Variants in FBXO38 observed in about 807,000 individuals in gnomAD.
The protein encoded by FBXO38 is F-box protein 38.
In FBXO38, 53 loss-of-function variants were observed where a neutral mutation model predicts 131.9. That is an observed-to-expected ratio of 0.40 (90% CI 0.32 to 0.51). The LOEUF is 0.51. Ranked by LOEUF, FBXO38 falls within the 20% of genes least tolerant of loss-of-function variation. FBXO38 has a pLI of 0.53. For synonymous variants in FBXO38, 452 were observed against 505.6 expected (o/e 0.89, Z 1.42); for missense variants, 1,076 against 1,475.6 (o/e 0.73, Z 4.44).
chr5:148,398,904 G>A lies in FBXO38; in HGVS notation c.129-95G>A, dbSNP rs946846365. Reference sequence around the variant, plus strand: ...TGTCTTAAGATCTTATTTCATTTGAGTGGTAGGAGATTGGAAGAAGGAAAA... The same window carrying A: ...TGTCTTAAGATCTTATTTCATTTGAATGGTAGGAGATTGGAAGAAGGAAAA... On this transcript the variant is annotated intron_variant, in intron 2 of 21. Coordinates refer to ENST00000340253, the MANE Select transcript of FBXO38 (RefSeq NM_205836.3). 5 of 1,325,280 alleles carry A rather than the reference G, an allele frequency of 3.8e-6. No homozygotes were observed. The African/African-American group carries it at 5.8e-5, about 15-fold the overall frequency. 82.1% of individuals were successfully genotyped at this position (1,325,280 alleles called of 1,614,324 possible).
At chr5:148,440,720 T>C (rs185620258) in intron 20 of FBXO38, among the ~76,000 whole-genome samples, 193 bp downstream of exon 20, 3 of 152,174 alleles carry the variant, frequency 2.0e-5, no homozygotes, top group Non-Finnish European at 4.4e-5. Context: ...TCAAACTGGT[T>C]TGGGCTTACA....
chr5:148,440,210 G>GA (rs1754594549), intron 19 of FBXO38: 1 of 500,782 alleles, frequency 2.0e-6, no homozygotes, highest in South Asian at 3.1e-5. Context: ...TTCTTTCCCT[G>GA]ATATGATTTT....
intron 15 of FBXO38, among the ~76,000 whole-genome samples, chr5:148,429,581 A>G (rs1286098723): frequency 1.3e-5 from 2 of 152,132 alleles, no homozygotes; most frequent in Admixed American, 1.3e-4. Flanking sequence ...TATTTTTATC[A>G]AGTTCCAAAA....
At chr5:148,434,816 G>C (rs1024815729) in intron 17 of FBXO38, 1 of 152,138 alleles carries the variant, frequency 6.6e-6, no homozygotes, top group African/African-American at 2.4e-5. Flanking sequence ...CATTGGCCAG[G>C]CACGGTGGCT....
In FBXO38 at chr5:148,404,752, C is replaced by A; in HGVS notation, c.660C>A (p.Leu220=). Residue 220 remains leucine, a synonymous_variant, in exon 6 of 22, where the codon CTC becomes CTA. Coordinates refer to ENST00000340253, the MANE Select transcript of FBXO38 (RefSeq NM_205836.3). ...LRHLYMKWVR[L]TKPQPFKDFL... ...ACCTTTATATGAAGTGGGTAAGACTCACTAAACCACAGCCATTTAAAGACT... is the reference window on the plus strand; with the variant it reads ...ACCTTTATATGAAGTGGGTAAGACTAACTAAACCACAGCCATTTAAAGACT... 2 of 1,607,816 alleles carry A rather than the reference C, an allele frequency of 1.2e-6. No individual in the cohort carries two copies. The highest frequency in any genetic ancestry group is 4.5e-5 in the East Asian group (2 of 44,400).
chr5:148,391,996 T>C (rs766110408), intron 1 of FBXO38, among the ~76,000 whole-genome samples: 1 of 152,238 alleles, frequency 6.6e-6, no homozygotes, highest in Admixed American at 6.5e-5. Flanking sequence ...AATCATACTT[T>C]AGATGTAGTC....
intron 10 of FBXO38, chr5:148,415,503 A>C (rs948040894): frequency 5.6e-6 from 1 of 179,524 alleles, no homozygotes; most frequent in Non-Finnish European, 1.2e-5. Flanking sequence ...CTTACTCTGT[A>C]TACACTGTCC....
intron 20 of FBXO38, 130 bp from the exon 21 acceptor site, chr5:148,440,994 C>A: frequency 1.5e-6 from 1 of 682,462 alleles, no homozygotes; most frequent in Non-Finnish European, 2.6e-6. Flanking sequence ...AGTTTGATAG[C>A]TGGAAATGAT....
chr5:148,429,620 A>C (rs565053968), intron 15 of FBXO38, among the ~76,000 whole-genome samples: 6 of 152,280 alleles, frequency 3.9e-5, no homozygotes, highest in Non-Finnish European at 7.4e-5. Flanking sequence ...TTGAAATTGC[A>C]TTCAATTGAT....
intron 15 of FBXO38, among the ~76,000 whole-genome samples, chr5:148,428,387 A>T (rs1485616903): frequency 1.3e-5 from 2 of 152,218 alleles, no homozygotes; most frequent in Non-Finnish European, 2.9e-5. Context: ...CTGTCTCTGC[A>T]GTACTTAGTA....
intron 5 of FBXO38, among the ~76,000 whole-genome samples, chr5:148,403,655 TAA>T (rs1752287115): frequency 6.6e-6 from 1 of 152,222 alleles, no homozygotes; most frequent in African/African-American, 2.4e-5. Flanking sequence ...TAGTTCAAAC[TAA>T]ATTTAACTCT....
intron 1 of FBXO38, among the ~76,000 whole-genome samples, chr5:148,385,458 G>A (rs958069944): frequency 2.0e-5 from 3 of 152,120 alleles, no homozygotes; most frequent in African/African-American, 4.8e-5. Context: ...AATTAAAAAG[G>A]AGTTGAAGAC....
intron 15 of FBXO38, among the ~76,000 whole-genome samples, chr5:148,432,715 T>G (rs1754106001): frequency 6.6e-6 from 1 of 152,230 alleles, no homozygotes; most frequent in African/African-American, 2.4e-5. Context: ...AAACATTCAT[T>G]TTATCCCTTT....
intron 5 of FBXO38, 68 bp from the exon 6 acceptor site, chr5:148,404,617 T>TA (rs1752336103): frequency 5.8e-6 from 8 of 1,376,286 alleles, no homozygotes; most frequent in Non-Finnish European, 7.7e-6. Flanking sequence ...CTCTTGAACT[T>TA]ATAAGCAAAA....
intron 7 of FBXO38, 44 bp downstream of exon 7, chr5:148,406,438 TTAAAA>T (rs1752448541): frequency 2.1e-6 from 3 of 1,428,394 alleles, no homozygotes; most frequent in Non-Finnish European, 2.8e-6. Context: ...AAAAATCAAC[TTAAAA>T]TAATCATTAA....
At chr5:148,415,056 C>A (rs1752972647) in intron 10 of FBXO38, among the ~76,000 whole-genome samples, 1 of 152,106 alleles carries the variant, frequency 6.6e-6, no homozygotes, top group Non-Finnish European at 1.5e-5. Flanking sequence ...GGCTCTGGGA[C>A]CTCTGCTGAG....
rs1348044081 is a variant in FBXO38 at position 148,427,503 on chromosome 5, TC to T, written c.2211del (p.Glu738SerfsTer68). On this transcript the variant is annotated frameshift_variant, in exon 15 of 22. Coordinates refer to ENST00000340253, the MANE Select transcript of FBXO38 (RefSeq NM_205836.3). LOFTEE classifies it high-confidence loss of function. ...FVRTVNSGGS[S>X]EPSPTEVDVS... ...AAGGACGGTGAACAGCGGCGGCTCT[TC>T]CGAGCCTAGCCCTACAGAAGTGGAT... The T allele has an allele frequency of 6.2e-7, 1 of 1,614,024 alleles. No individual in the cohort carries two copies. Among genetic ancestry groups the T allele is most frequent in the Non-Finnish European group, 8.5e-7 (1 of 1,180,024 alleles).
chr5:148,406,425 T>C, intron 7 of FBXO38, 31 bp downstream of exon 7: 1 of 1,493,536 alleles, frequency 6.7e-7, no homozygotes, highest in South Asian at 1.3e-5. Context: ...CTAAATATTT[T>C]TTAAAAATCA....
chr5:148,437,914 C>T (rs1274859196), intron 17 of FBXO38, among the ~76,000 whole-genome samples: 2 of 151,350 alleles, frequency 1.3e-5, no homozygotes, highest in Non-Finnish European at 2.9e-5. Flanking sequence ...TTTCAAGGTT[C>T]TACTTTTACG....
Sources: gnomAD v4.1 joint callset for allele counts (sites outside exome capture counted in the v4.1 genomes callset) on GRCh38, gnomAD v4.1.1 for gene constraint, MANE v1.5 for transcripts, NCBI Gene and HGNC (gene_info 2026-07-23, HGNC 2026-07-21) for gene names.